The following STT3B variants were observed in gnomAD, a reference collection of about 807,000 sequenced individuals.
STT3B encodes the protein STT3 oligosaccharyltransferase complex catalytic subunit B.
STT3B carries 29 observed loss-of-function variants against 96.8 expected under a neutral mutation model. The observed-to-expected ratio is 0.30, with a 90% confidence interval of 0.22 to 0.41. The LOEUF (loss-of-function observed/expected upper bound fraction) is 0.41. STT3B is among the 10% of genes least tolerant of loss of function. STT3B has a pLI of 1.00. For missense variants in STT3B, 640 were observed against 1,022.3 expected, an observed-to-expected ratio of 0.63 and a Z score of 5.10; for synonymous variants, 367 against 360.0, an observed-to-expected ratio of 1.02 and a Z score of -0.22.
At chr3:31,537,961 C>T (rs1697143323) in intron 1 of STT3B, among the ~76,000 whole-genome samples, 1 of 151,954 alleles carries the variant, frequency 6.6e-6, no homozygotes, top group African/African-American at 2.4e-5. Flanking sequence ...CATGTTTTTC[C>T]CCTCAATTTG....
At chr3:31,601,064 T>C (rs1559381631) in intron 5 of STT3B, among the ~76,000 whole-genome samples, 1 of 152,142 alleles carries the variant, frequency 6.6e-6, no homozygotes, top group East Asian at 1.9e-4. Context: ...ACAATTCTAT[T>C]ATAATAATGT....
At chr3:31,591,183 C>T (rs141051192) in intron 3 of STT3B, among the ~76,000 whole-genome samples, 4 of 152,106 alleles carry the variant, frequency 2.6e-5, no homozygotes, top group African/African-American at 9.6e-5. Context: ...AAAATTTTTA[C>T]ATTTTCCTGG....
intron 1 of STT3B, among the ~76,000 whole-genome samples, chr3:31,563,813 C>G (rs558675691): frequency 1.3e-5 from 2 of 152,028 alleles, no homozygotes; most frequent in Non-Finnish European, 2.9e-5. Context: ...CTTATTCAGA[C>G]GTTTTTTTTG....
chr3:31,618,010 GGC>G (rs1699346678), intron 8 of STT3B, 22 bp downstream of exon 8: 2 of 1,520,068 alleles, frequency 1.3e-6, no homozygotes, highest in African/African-American at 2.7e-5. Context: ...TACATTATTT[GGC>G]ATCATATTTA....
chr3:31,533,110 G>T lies in STT3B; in HGVS notation c.112G>T (p.Ala38Ser). ...CCGGCACGGCCACCACGGGCCCGGG[G>T]CCCAGTGCGCGCACAAGGCGGCGGG... ...NSRHGHHGPG[A>S]QCAHKAAGGA... Residue 38 changes from alanine to serine, a missense_variant, in exon 1 of 16, where the codon GCC (alanine) becomes TCC (serine). Ala to Ser is a moderately conservative substitution (Grantham distance 99). This residue lies in a region of STT3B where 89 missense variants were observed against 81.7 expected (regional missense o/e 1.09). Coordinates refer to ENST00000295770, the MANE Select transcript of STT3B (RefSeq NM_178862.3). 1 of 1,401,064 alleles carries T rather than the reference G, an allele frequency of 7.1e-7. No homozygotes were observed. The highest frequency in any genetic ancestry group is 9.3e-7 in the Non-Finnish European group (1 of 1,077,866). The allele number at this position is 1,401,064 out of a possible 1,614,324, so 86.8% of individuals were successfully genotyped here. A position where few individuals can be genotyped will look rare whatever the true frequency, so the allele number is the denominator to read the frequency against.
chr3:31,565,490 C>T (rs985946831), intron 1 of STT3B, among the ~76,000 whole-genome samples: 3 of 152,074 alleles, frequency 2.0e-5, no homozygotes, highest in Non-Finnish European at 4.4e-5. Flanking sequence ...CTTGTAAGAA[C>T]TAAACTTCGG....
intron 5 of STT3B, among the ~76,000 whole-genome samples, chr3:31,606,808 C>G (rs1047022064): frequency 2.6e-5 from 4 of 152,204 alleles, no homozygotes; most frequent in Non-Finnish European, 5.9e-5. Context: ...ATGGTAGATT[C>G]ACTGACAGCT....
chr3:31,612,139 G>A (rs1699196693), intron 5 of STT3B, among the ~76,000 whole-genome samples: 1 of 152,072 alleles, frequency 6.6e-6, no homozygotes, highest in Non-Finnish European at 1.5e-5. Context: ...ACCAGTTTGG[G>A]TATGCTCAGC....
intron 1 of STT3B, among the ~76,000 whole-genome samples, chr3:31,569,931 T>C (rs184470733): frequency 6.6e-6 from 1 of 152,122 alleles, no homozygotes; most frequent in East Asian, 1.9e-4. Flanking sequence ...TTTATAAATA[T>C]ATGTATAGAT....
rs748925342 is a variant in STT3B at position 31,600,342 on chromosome 3, G to A, written c.778-18G>A. On this transcript the variant is annotated intron_variant, in intron 4 of 15. Coordinates refer to ENST00000295770, the MANE Select transcript of STT3B (RefSeq NM_178862.3). ...AAAGTAAAAATATATATTTAACTTA[G>A]CACTTCTTTTCCTATAGGTCTCTGC... The A allele has an allele frequency of 1.9e-5, 21 of 1,120,002 alleles. No homozygotes were observed. The highest frequency in any genetic ancestry group is 5.2e-4 in the Middle Eastern group (2 of 3,818). 69.4% of individuals were successfully genotyped at this position (1,120,002 alleles called of 1,614,324 possible).
chr3:31,546,799 T>C lies in STT3B; in HGVS notation c.314+13487T>C, dbSNP rs143283431. 4.7e-3 allele frequency among the ~76,000 whole-genome samples: 719 copies of C among 152,318 alleles called. 7 individuals carry two copies. Among genetic ancestry groups the C allele is most frequent in the African/African-American group, 0.016 (656 of 41,570 alleles). On this transcript the variant is annotated intron_variant, in intron 1 of 15. Transcript: ENST00000295770. ...GTCTGGGTTAAATTTGTTGCAGATATCTTATTCCAGTTTGTGCCTAATTGG... is the reference window on the plus strand; with the variant it reads ...GTCTGGGTTAAATTTGTTGCAGATACCTTATTCCAGTTTGTGCCTAATTGG...
chr3:31,585,107 A>G (rs185319690), intron 3 of STT3B, among the ~76,000 whole-genome samples: 1 of 152,292 alleles, frequency 6.6e-6, no homozygotes, highest in Non-Finnish European at 1.5e-5. Flanking sequence ...AATTTAAAAG[A>G]TAAGTACTTT....
chr3:31,612,325 G>T (rs996260764), intron 5 of STT3B, among the ~76,000 whole-genome samples: 5 of 152,114 alleles, frequency 3.3e-5, no homozygotes, highest in Admixed American at 2.6e-4. Flanking sequence ...TGAAAAATAG[G>T]TACTTGGGTC....
intron 1 of STT3B, among the ~76,000 whole-genome samples, chr3:31,572,015 CATATTAATATATATTAATATATGAT>C (rs11274052): frequency 0.5 from 65,384 of 131,762 alleles, 18,177 homozygotes; most frequent in Non-Finnish European, 0.62. Flanking sequence ...TTTTATTAAA[CATATTAATATATATTAATATATGAT>C]ATATTAATAT....
intron 5 of STT3B, among the ~76,000 whole-genome samples, chr3:31,601,365 G>A (rs1167365938): frequency 6.6e-6 from 1 of 152,042 alleles, no homozygotes; most frequent in Non-Finnish European, 1.5e-5. Flanking sequence ...GTATTATTAA[G>A]CCATGAAAAG....
At chr3:31,625,164 A>G in intron 12 of STT3B, 79 bp downstream of exon 12, 2 of 1,302,614 alleles carry the variant, frequency 1.5e-6, no homozygotes, top group Non-Finnish European at 2.1e-6. Context: ...ACTAAATAGG[A>G]AAAATGTGGG....
rs1168166726 is a variant in STT3B at position 31,637,076 on chromosome 3, C to T, written c.*1012C>T. 9 of 152,118 alleles carry T rather than the reference C, an allele frequency of 5.9e-5. No individual in the cohort carries two copies. Among genetic ancestry groups the T allele is most frequent in the African/African-American group, 2.2e-4 (9 of 41,426 alleles). 9.4% of individuals were successfully genotyped at this position (152,118 alleles called of 1,614,324 possible). A position where few individuals can be genotyped will look rare whatever the true frequency, so the allele number is the denominator to read the frequency against. On this transcript the variant is annotated 3_prime_UTR_variant, in exon 16 of 16. Transcript: ENST00000295770. The stretch of plus-strand genomic sequence containing the variant: ...TCCCTTAAGCATTTGATGAAACACT[C>T]TTTAGTGCTATATGCATTTTCTTAC...
Position 31,541,294 on chromosome 3 carries a change from C to T in STT3B, c.314+7982C>T, listed in dbSNP as rs183823137. 1.2e-3 allele frequency among the ~76,000 whole-genome samples: 178 copies of T among 152,236 alleles called. 1 individual carries two copies. Among genetic ancestry groups the T allele is most frequent in the Middle Eastern group, 0.01 (3 of 294 alleles). On this transcript the variant is annotated intron_variant, in intron 1 of 15. Transcript: ENST00000295770. ...TCAAGATCATTGCCACTACCTTAGA[C>T]GACCTGGTGTGTTTCTCAATCCCTT...
At chr3:31,535,389 A>G (rs1697063609) in intron 1 of STT3B, among the ~76,000 whole-genome samples, 1 of 147,778 alleles carries the variant, frequency 6.8e-6, no homozygotes, top group South Asian at 2.1e-4. Context: ...TTCCAGCTTC[A>G]GTAGTGTGGT....
Sources: allele counts gnomAD v4.1 joint callset (sites outside exome capture counted in the v4.1 genomes callset), GRCh38; gene constraint gnomAD v4.1.1; regional missense constraint gnomAD v4.1.1; transcripts MANE v1.5; gene names NCBI Gene and HGNC (gene_info 2026-07-23, HGNC 2026-07-21).